Variants in DGCR2 observed in about 807,000 individuals in gnomAD.
DGCR2 encodes integral membrane protein DGCR2/IDD.
A neutral mutation model predicts 51.6 loss-of-function variants in DGCR2; 24 were observed. The ratio of observed to expected loss-of-function variants is 0.47; its 90% confidence interval spans 0.34 to 0.65. DGCR2 has a LOEUF of 0.65. Ranked by LOEUF, DGCR2 falls within the 30% of genes least tolerant of loss-of-function variation. The probability of loss-of-function intolerance (pLI) is 0.01; values close to 1 mark genes in which losing one functional copy is unlikely to be tolerated. For synonymous variants in DGCR2, 340 were observed against 315.4 expected (o/e 1.08, Z -0.82); for missense variants, 765 against 772.1 (o/e 0.99, Z 0.11).
intron 2 of DGCR2, among the ~76,000 whole-genome samples, chr22:19,076,321 C>G (rs911894663): frequency 1.3e-5 from 2 of 149,474 alleles, no homozygotes; most frequent in Non-Finnish European, 2.9e-5. Flanking sequence ...TCACCATACT[C>G]GGCTAATTTT....
intron 6 of DGCR2, 125 bp downstream of exon 6, chr22:19,056,861 T>C (rs763668707): frequency 1.5e-4 from 166 of 1,075,796 alleles, no homozygotes; most frequent in Admixed American, 3.6e-4. Flanking sequence ...AGGTGTGAGC[T>C]GGTAAGGGGC....
At chr22:19,113,362 C>A (rs1332329296) in intron 1 of DGCR2, among the ~76,000 whole-genome samples, 1 of 147,198 alleles carries the variant, frequency 6.8e-6, no homozygotes, top group African/African-American at 2.6e-5. Flanking sequence ...GAGCGAGACT[C>A]CGTCTCAAAA....
intron 6 of DGCR2, 100 bp downstream of exon 6, chr22:19,056,886 T>G (rs2146324792): frequency 7.4e-7 from 1 of 1,353,272 alleles, no homozygotes; most frequent in East Asian, 2.5e-5. Flanking sequence ...ACCGCAACAC[T>G]GCAAATCAGG....
intron 2 of DGCR2, among the ~76,000 whole-genome samples, chr22:19,084,375 C>T (rs976807690): frequency 2.0e-5 from 3 of 151,966 alleles, no homozygotes; most frequent in Non-Finnish European, 2.9e-5. Flanking sequence ...GGCCACGACC[C>T]CGTCTGGGAG....
In DGCR2 at chr22:19,068,138, A is replaced by C; in HGVS notation, c.290T>G (p.Phe97Cys). Residue 97 changes from phenylalanine to cysteine, a missense_variant, in exon 3 of 10, where the codon TTC (phenylalanine) becomes TGC (cysteine). Physicochemically the swap from Phe to Cys is radical, Grantham distance 205. Coordinates refer to ENST00000263196, the MANE Select transcript of DGCR2 (RefSeq NM_005137.3). ...GRARGGDPSHFHAVNVAQPVR... is the reference protein window; with the variant it reads ...GRARGGDPSHCHAVNVAQPVR... ...GGGCTGCGCCACGTTCACCGCGTGG[A>C]AGTGCGAAGGGTCGCCTCCTCTGGC... The C allele has an allele frequency of 6.2e-7, 1 of 1,609,266 alleles. No individual in the cohort carries two copies. The highest frequency in any genetic ancestry group is 8.5e-7 in the Non-Finnish European group (1 of 1,178,558).
intron 8 of DGCR2, 60 bp from the exon 9 acceptor site, chr22:19,041,354 G>T (rs1219950729): frequency 6.5e-7 from 1 of 1,533,354 alleles, no homozygotes; most frequent in Non-Finnish European, 9.0e-7. Flanking sequence ...AGGCTGCCTG[G>T]CTCCTGAGCC....
At position 19,049,381 on chromosome 22, in the gene DGCR2, A is replaced by T. The variant is rs545707476; in HGVS notation, c.803-738T>A. On this transcript the variant is annotated intron_variant, in intron 6 of 9. Coordinates refer to ENST00000263196, the MANE Select transcript of DGCR2 (RefSeq NM_005137.3). ...CAGACGTTGCAAATGCCTGGAGGAG[A>T]GACAAGGAATGAAGGAGCCTCCAAG... is the stretch of plus-strand genomic sequence containing the variant. 4.6e-5 allele frequency among the ~76,000 whole-genome samples: 7 copies of T among 152,208 alleles called. No individual in the cohort carries two copies. In the East Asian group the frequency reaches 1.4e-3, roughly 29 times the overall value.
At chr22:19,093,589 C>G (rs2083104370) in intron 1 of DGCR2, among the ~76,000 whole-genome samples, 2 of 152,078 alleles carry the variant, frequency 1.3e-5, no homozygotes, top group Admixed American at 1.3e-4. Flanking sequence ...AATGCATAGA[C>G]AAACCACACA....
chr22:19,053,633 A>T (rs1327391503), intron 6 of DGCR2, among the ~76,000 whole-genome samples: 4 of 152,204 alleles, frequency 2.6e-5, no homozygotes, highest in African/African-American at 9.7e-5. Context: ...CTCAGTCTCT[A>T]TTGTCCCACA....
Position 19,039,131 on chromosome 22 carries a change from G to C in DGCR2, c.1397-10C>G, listed in dbSNP as rs1412035494. ...TCAAAAGCATCATCGTCTGCAGGAA[G>C]AGACAGAGGGGTGTCAGAGGCAGGT... On this transcript the variant is annotated splice_polypyrimidine_tract_variant and intron_variant, in intron 9 of 9. Transcript: ENST00000263196. 27 of 1,612,614 alleles carry C rather than the reference G, an allele frequency of 1.7e-5. No homozygotes were observed. The highest frequency in any genetic ancestry group is 1.7e-4 in the Middle Eastern group (1 of 5,986).
At chr22:19,066,833 G>A (rs903816882) in intron 3 of DGCR2, among the ~76,000 whole-genome samples, 1 of 152,244 alleles carries the variant, frequency 6.6e-6, no homozygotes, top group Non-Finnish European at 1.5e-5. Context: ...AGACAGGCAA[G>A]GGGAAGGAAG....
chr22:19,103,309 T>C (rs1165994936), intron 1 of DGCR2, among the ~76,000 whole-genome samples: 1 of 148,740 alleles, frequency 6.7e-6, no homozygotes, highest in Non-Finnish European at 1.5e-5. Context: ...GTTCTGGAAA[T>C]GGGTAGTGGT....
chr22:19,119,735 CAAA>C (rs57362176), intron 1 of DGCR2, among the ~76,000 whole-genome samples: 2 of 78,154 alleles, frequency 2.6e-5, no homozygotes, highest in Non-Finnish European at 5.0e-5. Flanking sequence ...GACTCTGTCT[CAAA>C]AAAAAAAAAA....
At chr22:19,118,650 C>T (rs1021392326) in intron 1 of DGCR2, among the ~76,000 whole-genome samples, 2 of 152,156 alleles carry the variant, frequency 1.3e-5, no homozygotes, top group African/African-American at 4.8e-5. Flanking sequence ...TACCAAGGGG[C>T]CTAGCTGAGC....
chr22:19,120,432 A>G (rs1398847590), intron 1 of DGCR2, among the ~76,000 whole-genome samples: 1 of 152,084 alleles, frequency 6.6e-6, no homozygotes, highest in Non-Finnish European at 1.5e-5. Context: ...CCTCTGTTCC[A>G]CATCAGGCAC....
At chr22:19,100,993 C>A (rs542903180) in intron 1 of DGCR2, among the ~76,000 whole-genome samples, 4 of 152,180 alleles carry the variant, frequency 2.6e-5, no homozygotes, top group South Asian at 4.1e-4. Flanking sequence ...GTAGTCCCAG[C>A]TACTCGGGAG....
chr22:19,062,775 G>GCTGTCT (rs2082686000), intron 5 of DGCR2, among the ~76,000 whole-genome samples: 1 of 108,860 alleles, frequency 9.2e-6, no homozygotes, highest in Non-Finnish European at 1.9e-5. Flanking sequence ...ACACATGCAT[G>GCTGTCT]CTCACTCTCT....
intron 2 of DGCR2, among the ~76,000 whole-genome samples, chr22:19,081,995 G>A (rs1201872776): frequency 6.6e-6 from 1 of 151,418 alleles, no homozygotes; most frequent in Non-Finnish European, 1.5e-5. Flanking sequence ...TGTAAGTGTT[G>A]CAAATATCTT....
At position 19,122,268 on chromosome 22, in the gene DGCR2, A is replaced by C; in HGVS notation, c.-62T>G. ...GCCGGACCAGGCCGGACTGAGGGTC[A>C]GGGGACCGTGCCAAGCGGAGGGTCA... On this transcript the variant is annotated 5_prime_UTR_variant, in exon 1 of 10. Transcript: ENST00000263196. 3.7e-6 allele frequency: 5 copies of C among 1,343,728 alleles called. No individual in the cohort carries two copies. Among genetic ancestry groups the C allele is most frequent in the Non-Finnish European group, 5.0e-6 (5 of 1,006,618 alleles). The allele number at this position is 1,343,728 out of a possible 1,614,324, so 83.2% of individuals were successfully genotyped here. A position where few individuals can be genotyped will look rare whatever the true frequency, so the allele number is the denominator to read the frequency against.
Sources: gnomAD v4.1 joint callset for allele counts (sites outside exome capture counted in the v4.1 genomes callset) on GRCh38, gnomAD v4.1.1 for gene constraint, MANE v1.5 for transcripts, NCBI Gene and HGNC (gene_info 2026-07-23, HGNC 2026-07-21) for gene names.